The following SGCD variants were observed in gnomAD, a reference collection of about 807,000 sequenced individuals.
The protein encoded by SGCD is sarcoglycan delta.
SGCD carries 18 observed loss-of-function variants against 36.6 expected under a neutral mutation model. The observed-to-expected ratio is 0.49, with a 90% confidence interval of 0.34 to 0.73. The LOEUF is 0.73. Ranked by LOEUF, SGCD falls within the 30% of genes least tolerant of loss-of-function variation. The pLI, the probability that SGCD is intolerant of heterozygous loss-of-function variation, is 0.01. For missense variants in SGCD, 387 were observed against 346.7 expected (o/e 1.12, Z -0.92); for synonymous variants, 133 against 130.6 (o/e 1.02, Z -0.12).
intron 1 of SGCD, among the ~76,000 whole-genome samples, chr5:155,933,598 G>T (rs916855773): frequency 6.6e-6 from 1 of 152,184 alleles, no homozygotes; most frequent in Admixed American, 6.5e-5. Flanking sequence ...GTGGCCAAGT[G>T]CATAGGTTTT....
At chr5:156,379,364 G>T (rs1049240135) in intron 3 of SGCD, among the ~76,000 whole-genome samples, 6 of 152,162 alleles carry the variant, frequency 3.9e-5, no homozygotes, top group Admixed American at 2.6e-4. Context: ...GAGGAGTTAT[G>T]CATGCACATG....
intron 1 of SGCD, among the ~76,000 whole-genome samples, chr5:155,994,396 T>C (rs112261082): frequency 6.6e-6 from 1 of 152,226 alleles, no homozygotes; most frequent in Non-Finnish European, 1.5e-5. Context: ...ATTGTACTGG[T>C]TAATGTCACA....
chr5:156,511,501 T>A (rs754096175), intron 4 of SGCD, among the ~76,000 whole-genome samples: 7 of 152,350 alleles, frequency 4.6e-5, no homozygotes, highest in African/African-American at 1.2e-4. Context: ...ATTGGTTTCC[T>A]GTTGCATCTG....
chr5:156,556,693 C>G (rs1759033473), intron 4 of SGCD, among the ~76,000 whole-genome samples: 1 of 152,090 alleles, frequency 6.6e-6, no homozygotes, highest in South Asian at 2.1e-4. Flanking sequence ...AAGCAAGGAG[C>G]AATGTAGAGT....
chr5:156,441,699 G>A (rs776765979), intron 3 of SGCD, among the ~76,000 whole-genome samples: 16 of 152,142 alleles, frequency 1.1e-4, no homozygotes, highest in Non-Finnish European at 2.1e-4. Context: ...ATAATGAGAC[G>A]TCTATTGGTC....
intron 4 of SGCD, among the ~76,000 whole-genome samples, chr5:156,522,000 G>A (rs1757430945): frequency 6.6e-6 from 1 of 152,146 alleles, no homozygotes; most frequent in African/African-American, 2.4e-5. Context: ...ATACGCTATG[G>A]AATACTATGC....
intron 3 of SGCD, among the ~76,000 whole-genome samples, chr5:156,409,853 G>T (rs373892174): frequency 2.4e-4 from 36 of 152,178 alleles, no homozygotes; most frequent in East Asian, 2.3e-3. Flanking sequence ...ACTGGAACAA[G>T]GACCAGCAGT....
chr5:156,374,697 T>G (rs1770563196), intron 3 of SGCD, among the ~76,000 whole-genome samples: 1 of 143,914 alleles, frequency 6.9e-6, no homozygotes, highest in Non-Finnish European at 1.5e-5. Context: ...AGTCTTGCTC[T>G]GTTGCCCAGG....
At chr5:156,688,127 C>T (rs181182326) in intron 7 of SGCD, among the ~76,000 whole-genome samples, 7 of 152,084 alleles carry the variant, frequency 4.6e-5, no homozygotes, top group South Asian at 2.1e-4. Flanking sequence ...ACTCGTGTCG[C>T]GGGGGTTTGT....
intron 3 of SGCD, among the ~76,000 whole-genome samples, chr5:156,197,269 C>T (rs913450043): frequency 8.5e-5 from 13 of 152,082 alleles, no homozygotes; most frequent in South Asian, 4.1e-4. Context: ...AATAATGTTC[C>T]GTTGACACTG....
At chr5:156,130,418 G>A (rs3097859) in intron 3 of SGCD, among the ~76,000 whole-genome samples, 10 of 152,046 alleles carry the variant, frequency 6.6e-5, no homozygotes, top group South Asian at 2.1e-4. Flanking sequence ...AGATATTTTC[G>A]TCCATTCTGT....
intron 3 of SGCD, among the ~76,000 whole-genome samples, chr5:156,451,086 TC>T (rs1208464302): frequency 2.1e-5 from 2 of 95,590 alleles, no homozygotes; most frequent in African/African-American, 8.1e-5. Flanking sequence ...TCTCCTCCCC[TC>T]CCCTCCCTTC....
At chr5:156,635,909 T>G in intron 6 of SGCD, among the ~76,000 whole-genome samples, 1 of 151,546 alleles carries the variant, frequency 6.6e-6, no homozygotes, top group Non-Finnish European at 1.5e-5. Context: ...GCGGGAGGGA[T>G]AGCATTAGGA....
chr5:156,581,999 G>C (rs1007791664), intron 4 of SGCD, among the ~76,000 whole-genome samples: 3 of 152,176 alleles, frequency 2.0e-5, no homozygotes, highest in African/African-American at 4.8e-5. Flanking sequence ...ACCCTCTTCT[G>C]CATCAATCAT....
intron 3 of SGCD, among the ~76,000 whole-genome samples, chr5:156,156,825 G>A (rs140505371): frequency 6.6e-6 from 1 of 151,586 alleles, no homozygotes; most frequent in African/African-American, 2.4e-5. Flanking sequence ...TTAAATTCTA[G>A]TGTAGGCATT....
At chr5:155,732,223 C>G in the SGCD span, among the ~76,000 whole-genome samples, 1 of 152,194 alleles carries the variant, frequency 6.6e-6, no homozygotes, top group African/African-American at 2.4e-5. Flanking sequence ...GCCACAGGCA[C>G]TGTTATTATC....
intron 4 of SGCD, among the ~76,000 whole-genome samples, chr5:156,583,566 C>T (rs1306183189): frequency 6.6e-6 from 1 of 152,182 alleles, no homozygotes; most frequent in African/African-American, 2.4e-5. Flanking sequence ...CACAAGGTAA[C>T]CAGAGTGATC....
intron 3 of SGCD, among the ~76,000 whole-genome samples, chr5:156,470,143 G>A (rs1010347042): frequency 2.6e-5 from 4 of 152,102 alleles, no homozygotes; most frequent in Non-Finnish European, 5.9e-5. Context: ...ATGTAAACAA[G>A]CTTTCTTCAA....
chr5:156,487,195 T>C (rs73295189), intron 3 of SGCD, among the ~76,000 whole-genome samples: 37 of 152,280 alleles, frequency 2.4e-4, no homozygotes, highest in African/African-American at 8.7e-4. Flanking sequence ...CAGCTTTCAC[T>C]AACAACTTCA....
Sources: allele counts gnomAD v4.1 joint callset (sites outside exome capture counted in the v4.1 genomes callset), GRCh38; gene constraint gnomAD v4.1.1; transcripts MANE v1.5; gene names NCBI Gene and HGNC (gene_info 2026-07-23, HGNC 2026-07-21).